The following WLS variants were observed in gnomAD, a reference collection of about 807,000 sequenced individuals.
WLS encodes protein wntless homolog.
In WLS, 23 loss-of-function variants were observed where a neutral mutation model predicts 62.8. That is an observed-to-expected ratio of 0.37 (90% CI 0.26 to 0.52). The LOEUF (loss-of-function observed/expected upper bound fraction) is 0.52. WLS is among the 20% of genes least tolerant of loss of function. The pLI is 0.92. For missense variants in WLS, 615 were observed against 697.3 expected, an observed-to-expected ratio of 0.88 and a Z score of 1.33; for synonymous variants, 246 against 244.1, an observed-to-expected ratio of 1.01 and a Z score of -0.07.
At chr1:68,167,407 A>G (rs772052246) in intron 2 of WLS, among the ~76,000 whole-genome samples, 1 of 152,186 alleles carries the variant, frequency 6.6e-6, no homozygotes, top group Non-Finnish European at 1.5e-5. Context: ...AAAGTTCAGC[A>G]TTAATGATGA....
intron 1 of WLS, among the ~76,000 whole-genome samples, chr1:68,195,411 A>C (rs1648608324): frequency 1.3e-5 from 2 of 152,250 alleles, no homozygotes; most frequent in Non-Finnish European, 2.9e-5. Context: ...ATTTTAAACA[A>C]GTTAACATAT....
chr1:68,106,356 T>A (rs1646142639), intron 11 of WLS, among the ~76,000 whole-genome samples: 2 of 152,154 alleles, frequency 1.3e-5, no homozygotes, highest in Admixed American at 1.3e-4. Context: ...AAGGGAGCCC[T>A]CAGTGGGCCT....
At chr1:68,120,932 A>ACT (rs1646357060), downstream of WLS, among the ~76,000 whole-genome samples, 1 of 152,222 alleles carries the variant, frequency 6.6e-6, no homozygotes, top group African/African-American at 2.4e-5. Flanking sequence ...CCTTAACCTA[A>ACT]CTGGTGTATG....
chr1:68,130,842 C>T (rs1433708172), intron 11 of WLS, among the ~76,000 whole-genome samples: 1 of 148,816 alleles, frequency 6.7e-6, no homozygotes, highest in African/African-American at 2.5e-5. Flanking sequence ...AAGATCTTAA[C>T]CAAAAGAAAA....
chr1:68,116,681 C>T (rs928192438), intron 11 of WLS, among the ~76,000 whole-genome samples: 4 of 152,320 alleles, frequency 2.6e-5, no homozygotes, highest in Non-Finnish European at 1.5e-5. Context: ...TGTTAAGCCT[C>T]ATGAAGGCAG....
intron 3 of WLS, among the ~76,000 whole-genome samples, chr1:68,158,237 C>G (rs1020930988): frequency 1.3e-5 from 2 of 152,180 alleles, no homozygotes; most frequent in Non-Finnish European, 2.9e-5. Flanking sequence ...CCTAAAACCT[C>G]TCAGGTGATG....
chr1:68,162,166 G>T lies in WLS; in HGVS notation c.380-2919C>A. On this transcript the variant is annotated intron_variant, in intron 2 of 11. Transcript: ENST00000262348. ...GATAAGATTCGGTGCATCTTTCAAC[G>T]GACCCTGAGCAAAGCTAAAGGGCTC... is the stretch of plus-strand genomic sequence containing the variant. 4.1e-6 allele frequency: 6 copies of T among 1,455,768 alleles called. No individual in the cohort carries two copies. In the South Asian group the frequency reaches 4.6e-5, roughly 11 times the overall value. The allele number at this position is 1,455,768 out of a possible 1,614,324, so 90.2% of individuals were successfully genotyped here. A position where few individuals can be genotyped will look rare whatever the true frequency, so the allele number is the denominator to read the frequency against.
intron 1 of WLS, among the ~76,000 whole-genome samples, chr1:68,206,342 C>T (rs1450411121): frequency 6.6e-6 from 1 of 152,170 alleles, no homozygotes; most frequent in Non-Finnish European, 1.5e-5. Context: ...TGGTTCCAAT[C>T]TTGCAAGTTC....
chr1:68,194,183 C>T lies in WLS; in HGVS notation c.151G>A (p.Val51Met), dbSNP rs768925172. 2 of 1,614,218 alleles carry T rather than the reference C, an allele frequency of 1.2e-6. No individual in the cohort carries two copies. Among genetic ancestry groups the T allele is most frequent in the Non-Finnish European group, 8.5e-7 (1 of 1,180,028 alleles). The change falls in exon 2 of 12, where the codon GTG becomes ATG. Residue 51 changes from valine (V) to methionine (M), a missense_variant. Coordinates refer to ENST00000262348, the MANE Select transcript of WLS (RefSeq NM_024911.7). ...TTGTGATGGTTCTTACGGGCATCCA[C>T]ACATTTCACCGACATGTAGGACACT... ...TAVSYMSVKC[V>M]DARKNHHKTK...
At chr1:68,108,828 G>A (rs1346172922) in intron 11 of WLS, among the ~76,000 whole-genome samples, 1 of 152,026 alleles carries the variant, frequency 6.6e-6, no homozygotes, top group Non-Finnish European at 1.5e-5. Context: ...GGGGAAAATT[G>A]GCACACTAAA....
Position 68,150,323 on chromosome 1 carries a change from A to G in WLS, c.837T>C (p.Phe279=). The G allele has an allele frequency of 6.2e-7, 1 of 1,614,254 alleles. No homozygotes were observed. Among genetic ancestry groups the G allele is most frequent in the Non-Finnish European group, 8.5e-7 (1 of 1,180,042 alleles). ...VIFALGISMT[F]INIPVEWFSI... Reference sequence around the variant, plus strand: ...AAAACCATTCCACTGGGATATTGATAAAGGTCATGGAAATCCCAAGGGCAA... The same window carrying G: ...AAAACCATTCCACTGGGATATTGATGAAGGTCATGGAAATCCCAAGGGCAA... Residue 279 remains phenylalanine, a synonymous_variant, in exon 6 of 12, where the codon TTT becomes TTC. Coordinates refer to ENST00000262348, the MANE Select transcript of WLS (RefSeq NM_024911.7).
At chr1:68,132,366 T>G (rs1646539676) in intron 11 of WLS, among the ~76,000 whole-genome samples, 1 of 152,056 alleles carries the variant, frequency 6.6e-6, no homozygotes. Context: ...CTCACAGACA[T>G]CAAGAAGCTC....
chr1:68,158,304 G>T (rs943549556), intron 3 of WLS, among the ~76,000 whole-genome samples: 1 of 152,134 alleles, frequency 6.6e-6, no homozygotes, highest in Admixed American at 6.5e-5. Context: ...GGAAACCTGC[G>T]GGAGGGAGAC....
intron 1 of WLS, 140 bp downstream of exon 1, chr1:68,232,054 T>C: frequency 1.7e-6 from 2 of 1,181,214 alleles, no homozygotes; most frequent in Non-Finnish European, 2.4e-6. Context: ...CATGGAGCTC[T>C]GCTTTCTTAA....
intron 6 of WLS, among the ~76,000 whole-genome samples, chr1:68,148,886 G>T (rs1487636467): frequency 1.3e-5 from 2 of 152,076 alleles, no homozygotes; most frequent in Non-Finnish European, 2.9e-5. Context: ...CAGCCATAAG[G>T]GCTCTGAGAG....
chr1:68,112,386 G>T, intron 11 of WLS, among the ~76,000 whole-genome samples: 1 of 152,146 alleles, frequency 6.6e-6, no homozygotes, highest in Non-Finnish European at 1.5e-5. Flanking sequence ...AAAATGTGTG[G>T]GTCCCACCTA....
chr1:68,178,120 T>C (rs1385822918), intron 2 of WLS, among the ~76,000 whole-genome samples: 1 of 152,220 alleles, frequency 6.6e-6, no homozygotes, highest in Non-Finnish European at 1.5e-5. Context: ...TTGGACTGTT[T>C]CTTTGCCTTC....
chr1:68,182,778 C>A (rs1441451153), intron 2 of WLS, among the ~76,000 whole-genome samples: 1 of 152,054 alleles, frequency 6.6e-6, no homozygotes, highest in East Asian at 1.9e-4. Flanking sequence ...AGGAGGAGAA[C>A]AAAGGGAGAA....
downstream of WLS, among the ~76,000 whole-genome samples, chr1:68,124,256 C>A (rs115500370): frequency 3.0e-3 from 452 of 152,290 alleles, 3 homozygotes; most frequent in African/African-American, 1.0e-2. Flanking sequence ...TCATTCTGAT[C>A]GTATCACTTT....
Sources: allele counts gnomAD v4.1 joint callset (sites outside exome capture counted in the v4.1 genomes callset), GRCh38; gene constraint gnomAD v4.1.1; transcripts MANE v1.5; gene names NCBI Gene and HGNC (gene_info 2026-07-23, HGNC 2026-07-21).